SCAPER: variants seen among roughly 807,000 people sequenced by gnomAD.
SCAPER encodes S phase cyclin A-associated protein in the endoplasmic reticulum.
In SCAPER, 98 loss-of-function variants were observed where a neutral mutation model predicts 182.2. That is an observed-to-expected ratio of 0.54 (90% confidence interval 0.46 to 0.64). The LOEUF is 0.64. Ranked by LOEUF, SCAPER falls within the 30% of genes least tolerant of loss-of-function variation. The pLI, the probability that SCAPER is intolerant of heterozygous loss-of-function variation, is 0.00. For missense variants in SCAPER, 1,432 were observed against 1,690.0 expected, an observed-to-expected ratio of 0.85 and a Z score of 2.68; for synonymous variants, 605 against 564.6, an observed-to-expected ratio of 1.07 and a Z score of -1.01.
intron 22 of SCAPER, among the ~76,000 whole-genome samples, chr15:76,607,249 A>G (rs2050511462): frequency 6.6e-6 from 1 of 152,172 alleles, no homozygotes; most frequent in Non-Finnish European, 1.5e-5. Flanking sequence ...TTGTCTGTAA[A>G]GTATTTTATT....
chr15:76,626,041 C>T lies in SCAPER; in HGVS notation c.2646-4212G>A, dbSNP rs529139911. Among the ~76,000 whole-genome samples, 29 of 152,152 alleles carry T rather than the reference C, an allele frequency of 1.9e-4. 1 individual carries two copies. In the Middle Eastern group the frequency reaches 0.02, roughly 107 times the overall value. On this transcript the variant is annotated intron_variant, in intron 21 of 31. Coordinates refer to ENST00000563290, the MANE Select transcript of SCAPER (RefSeq NM_020843.4). ...TCTCATAATGCTTTAAGAAAGTTTG[C>T]GAATTTGTGTTGGGCCGCATTCAAA...
chr15:76,770,685 CTT>C (rs1055263555), intron 10 of SCAPER, among the ~76,000 whole-genome samples: 2 of 152,032 alleles, frequency 1.3e-5, no homozygotes, highest in African/African-American at 2.4e-5. Flanking sequence ...GAGTTTTCCT[CTT>C]TTAAAATTTG....
At chr15:76,835,179 A>T (rs1005103662) in intron 5 of SCAPER, among the ~76,000 whole-genome samples, 1 of 151,998 alleles carries the variant, frequency 6.6e-6, no homozygotes, top group Non-Finnish European at 1.5e-5. Flanking sequence ...TCCCATTCAC[A>T]ATAGCCACAC....
At chr15:76,812,575 G>A (rs893460746) in intron 5 of SCAPER, among the ~76,000 whole-genome samples, 4 of 151,360 alleles carry the variant, frequency 2.6e-5, no homozygotes, top group Non-Finnish European at 5.9e-5. Context: ...AAACCTTAGG[G>A]TGAAAAAAAG....
intron 26 of SCAPER, among the ~76,000 whole-genome samples, chr15:76,423,458 T>G (rs1292304993): frequency 2.0e-5 from 3 of 152,256 alleles, no homozygotes; most frequent in African/African-American, 7.2e-5. Flanking sequence ...GTGGGATCAG[T>G]GGTGATATCC....
chr15:76,541,857 G>A (rs1187510062), intron 23 of SCAPER, among the ~76,000 whole-genome samples: 1 of 152,086 alleles, frequency 6.6e-6, no homozygotes. Flanking sequence ...AATCAATTTT[G>A]TAGATCATGT....
chr15:76,653,095 A>G (rs2055313274), intron 21 of SCAPER, among the ~76,000 whole-genome samples: 1 of 152,214 alleles, frequency 6.6e-6, no homozygotes. Context: ...GCGTAAAATC[A>G]AGAACACAAT....
chr15:76,860,640 G>A (rs1346337179), intron 3 of SCAPER, among the ~76,000 whole-genome samples: 2 of 152,166 alleles, frequency 1.3e-5, no homozygotes, highest in Non-Finnish European at 2.9e-5. Flanking sequence ...AACAAGTTAT[G>A]CTGAGGCAAC....
intron 17 of SCAPER, among the ~76,000 whole-genome samples, chr15:76,711,499 T>G (rs1361155849): frequency 6.6e-6 from 1 of 152,058 alleles, no homozygotes; most frequent in African/African-American, 2.4e-5. Flanking sequence ...AAGAAAGAAC[T>G]TGTATATTTA....
At chr15:76,536,220 C>A (rs1010785275) in intron 23 of SCAPER, among the ~76,000 whole-genome samples, 29 of 151,848 alleles carry the variant, frequency 1.9e-4, no homozygotes, top group African/African-American at 6.8e-4. Context: ...TATTTTTGGC[C>A]AAGTGCGGTG....
At chr15:76,777,099 A>G (rs2063787284) in intron 8 of SCAPER, among the ~76,000 whole-genome samples, 1 of 152,202 alleles carries the variant, frequency 6.6e-6, no homozygotes, top group African/African-American at 2.4e-5. Flanking sequence ...TGAAAACTAA[A>G]TACACACAAA....
intron 22 of SCAPER, among the ~76,000 whole-genome samples, chr15:76,604,453 TA>T (rs60065803): frequency 0.97 from 114,786 of 118,418 alleles, 56,073 homozygotes; most frequent in South Asian, 1. Flanking sequence ...TGAAGTCAGG[TA>T]AGCGGGATGC....
At chr15:76,550,881 G>A (rs565362636) in intron 23 of SCAPER, among the ~76,000 whole-genome samples, 3 of 152,000 alleles carry the variant, frequency 2.0e-5, no homozygotes, top group East Asian at 1.9e-4. Context: ...TTTAATAATC[G>A]CCATTCTGAC....
chr15:76,637,086 A>G (rs967222042), intron 21 of SCAPER, among the ~76,000 whole-genome samples: 31 of 151,874 alleles, frequency 2.0e-4, no homozygotes, highest in Non-Finnish European at 3.1e-4. Flanking sequence ...CTATGCAGCC[A>G]CCACCACCAC....
chr15:76,768,627 C>T (rs1308226428), intron 10 of SCAPER, among the ~76,000 whole-genome samples: 2 of 151,868 alleles, frequency 1.3e-5, no homozygotes, highest in African/African-American at 2.4e-5. Flanking sequence ...TAAAAAACAA[C>T]AGTAAACTTC....
At chr15:76,894,938 G>A (rs2074352138) in intron 1 of SCAPER, among the ~76,000 whole-genome samples, 1 of 152,056 alleles carries the variant, frequency 6.6e-6, no homozygotes, top group East Asian at 1.9e-4. Flanking sequence ...GGCTTCACTG[G>A]CGAATTCTAC....
At chr15:76,711,750 T>G (rs1014183906) in intron 17 of SCAPER, among the ~76,000 whole-genome samples, 1 of 152,230 alleles carries the variant, frequency 6.6e-6, no homozygotes, top group African/African-American at 2.4e-5. Flanking sequence ...GAGAAGTGTC[T>G]GTTCATATCC....
intron 25 of SCAPER, among the ~76,000 whole-genome samples, chr15:76,457,001 G>C (rs536839744): frequency 9.3e-5 from 14 of 151,160 alleles, no homozygotes; most frequent in Non-Finnish European, 1.6e-4. Context: ...TGTAGATAGA[G>C]CACATGGTTA....
intron 22 of SCAPER, among the ~76,000 whole-genome samples, chr15:76,606,166 G>A (rs1221177556): frequency 3.3e-5 from 5 of 152,050 alleles, no homozygotes; most frequent in South Asian, 2.1e-4. Context: ...TTAGTGCTAT[G>A]AATTTCCCTC....
Sources: allele counts gnomAD v4.1 joint callset (sites outside exome capture counted in the v4.1 genomes callset), GRCh38; gene constraint gnomAD v4.1.1; transcripts MANE v1.5; gene names NCBI Gene and HGNC (gene_info 2026-07-23, HGNC 2026-07-21).